EPHA6: variants seen among roughly 807,000 people sequenced by gnomAD.
EPHA6 encodes EPH receptor A6.
In EPHA6, 50 loss-of-function variants were observed where a neutral mutation model predicts 112.0. That is an observed-to-expected ratio of 0.45 (90% CI 0.36 to 0.56). The LOEUF is 0.56. EPHA6 is among the 20% of genes least tolerant of loss of function. The pLI is 0.00. For missense variants in EPHA6, 1,280 were observed against 1,417.4 expected, an observed-to-expected ratio of 0.90 and a Z score of 1.56; for synonymous variants, 529 against 490.7, an observed-to-expected ratio of 1.08 and a Z score of -1.03.
rs569121547 is a variant in EPHA6 at position 97,636,336 on chromosome 3, T to A, written c.2575-1537T>A. On this transcript the variant is annotated intron_variant, in intron 13 of 17. Transcript: ENST00000389672. ...AGATTCCTAATAGAAGAGTGGTAGG[T>A]AGTGTACATGATAGAAGAGGCAGAT... Among the ~76,000 whole-genome samples, 605 of 152,216 alleles carry A rather than the reference T, an allele frequency of 4.0e-3. 3 individuals carry two copies. Among genetic ancestry groups the A allele is most frequent in the African/African-American group, 0.013 (541 of 41,562 alleles).
intron 3 of EPHA6, among the ~76,000 whole-genome samples, chr3:97,214,654 G>A (rs985450199): frequency 2.0e-4 from 31 of 151,746 alleles, no homozygotes; most frequent in Admixed American, 6.6e-4. Flanking sequence ...AATTATAAGC[G>A]TATTTTGAAA....
intron 3 of EPHA6, among the ~76,000 whole-genome samples, chr3:97,095,546 T>G (rs981228101): frequency 3.3e-5 from 5 of 152,022 alleles, no homozygotes; most frequent in Non-Finnish European, 7.4e-5. Flanking sequence ...CTTACCATTA[T>G]TCAAACACTC....
chr3:97,365,480 T>C (rs2084666768), intron 5 of EPHA6, among the ~76,000 whole-genome samples: 1 of 151,976 alleles, frequency 6.6e-6, no homozygotes, highest in Non-Finnish European at 1.5e-5. Context: ...ACCCTCTGAC[T>C]CCCTGGTTCA....
Position 97,749,537 on chromosome 3 carries a change from C to CTT in EPHA6, c.*838_*839dup, listed in dbSNP as rs1220067771. Among the ~76,000 whole-genome samples, 1 of 152,072 alleles carries CTT rather than the reference C, an allele frequency of 6.6e-6. No individual in the cohort carries two copies. Among genetic ancestry groups the CTT allele is most frequent in the African/African-American group, 2.4e-5 (1 of 41,402 alleles). On this transcript the variant is annotated 3_prime_UTR_variant, in exon 18 of 18. Coordinates refer to ENST00000389672, the MANE Select transcript of EPHA6 (RefSeq NM_001080448.3). ...AAGGGTGACTTCATTGATCTAATGG[C>CTT]TTTCATAGAGAAAAGCTTGGGATAA...
intron 5 of EPHA6, among the ~76,000 whole-genome samples, chr3:97,329,656 A>G (rs1006999167): frequency 6.6e-5 from 10 of 151,884 alleles, no homozygotes; most frequent in Non-Finnish European, 1.3e-4. Context: ...CCACTTTTTG[A>G]TGGGGTTGTT....
intron 12 of EPHA6, among the ~76,000 whole-genome samples, chr3:97,601,403 C>A (rs753584311): frequency 3.3e-4 from 50 of 152,154 alleles, no homozygotes; most frequent in Non-Finnish European, 6.5e-4. Context: ...TCCAGAGAGC[C>A]ATGTTGAGCC....
At chr3:97,618,528 C>T (rs780283227) in intron 13 of EPHA6, among the ~76,000 whole-genome samples, 6 of 151,810 alleles carry the variant, frequency 4.0e-5, no homozygotes, top group Non-Finnish European at 5.9e-5. Context: ...GCTAGCTAGA[C>T]TAATAAAGAA....
chr3:96,819,463 A>T (rs1285454297), intron 1 of EPHA6, among the ~76,000 whole-genome samples: 1 of 151,974 alleles, frequency 6.6e-6, no homozygotes, highest in Admixed American at 6.6e-5. Context: ...CACCTCACAT[A>T]CACAAATGCT....
chr3:97,050,627 T>A (rs2045655529), intron 3 of EPHA6, among the ~76,000 whole-genome samples: 1 of 152,076 alleles, frequency 6.6e-6, no homozygotes, highest in African/African-American at 2.4e-5. Context: ...GGAAATAGAG[T>A]TCATGATTTC....
chr3:97,114,153 C>T (rs1025166005), intron 3 of EPHA6, among the ~76,000 whole-genome samples: 2 of 152,196 alleles, frequency 1.3e-5, no homozygotes, highest in African/African-American at 2.4e-5. Flanking sequence ...GTGAACAAGA[C>T]CTCTTCTTCT....
At chr3:97,463,157 T>C (rs1008252900) in intron 7 of EPHA6, among the ~76,000 whole-genome samples, 34 of 152,286 alleles carry the variant, frequency 2.2e-4, no homozygotes, top group African/African-American at 7.7e-4. Flanking sequence ...ACTTGCAGGT[T>C]CGTTACATAT....
At chr3:97,719,515 A>G (rs2034430768) in intron 14 of EPHA6, among the ~76,000 whole-genome samples, 1 of 152,188 alleles carries the variant, frequency 6.6e-6, no homozygotes, top group Admixed American at 6.5e-5. Flanking sequence ...AAAGGGATTT[A>G]TAGAGTGTTT....
At chr3:97,468,140 GAA>G (rs767637133) in intron 7 of EPHA6, among the ~76,000 whole-genome samples, 9 of 124,058 alleles carry the variant, frequency 7.3e-5, no homozygotes, top group African/African-American at 1.2e-4. Flanking sequence ...ATCACTTTCT[GAA>G]AAAAAAAAAA....
chr3:97,246,800 C>T (rs188840274), intron 5 of EPHA6, among the ~76,000 whole-genome samples: 1 of 151,720 alleles, frequency 6.6e-6, no homozygotes, highest in Non-Finnish European at 1.5e-5. Flanking sequence ...ACCAAGAAGA[C>T]CCCCTCTTCT....
At chr3:96,911,695 G>A (rs2039223028) in intron 2 of EPHA6, among the ~76,000 whole-genome samples, 1 of 151,882 alleles carries the variant, frequency 6.6e-6, no homozygotes, top group African/African-American at 2.4e-5. Context: ...TAATACAATG[G>A]AATATTTTTT....
At chr3:97,518,417 A>G (rs1199684218) in intron 10 of EPHA6, among the ~76,000 whole-genome samples, 1 of 151,988 alleles carries the variant, frequency 6.6e-6, no homozygotes, top group Non-Finnish European at 1.5e-5. Flanking sequence ...TAGTGCTGCA[A>G]TAAACATGGC....
intron 2 of EPHA6, among the ~76,000 whole-genome samples, chr3:96,976,745 T>C (rs1271813503): frequency 6.6e-6 from 1 of 152,152 alleles, no homozygotes; most frequent in East Asian, 1.9e-4. Context: ...CCTTGAGGGA[T>C]AAGAAGATAT....
At chr3:97,463,585 AT>A (rs2107399700) in intron 7 of EPHA6, among the ~76,000 whole-genome samples, 1 of 152,266 alleles carries the variant, frequency 6.6e-6, no homozygotes, top group South Asian at 2.1e-4. Flanking sequence ...TCTAAGAAAG[AT>A]TTATAGAAGC....
At chr3:96,823,420 G>A (rs549353595) in intron 1 of EPHA6, among the ~76,000 whole-genome samples, 1 of 151,778 alleles carries the variant, frequency 6.6e-6, no homozygotes, top group Admixed American at 6.6e-5. Flanking sequence ...CCATACTCTG[G>A]CCTAGGTCCC....
Sources: allele counts gnomAD v4.1 joint callset (sites outside exome capture counted in the v4.1 genomes callset), GRCh38; gene constraint gnomAD v4.1.1; transcripts MANE v1.5; gene names NCBI Gene and HGNC (gene_info 2026-07-23, HGNC 2026-07-21).